The following PCNT variants were observed in gnomAD, a reference collection of about 807,000 sequenced individuals.
The protein encoded by PCNT is kendrin.
Under a neutral mutation model 380.4 loss-of-function variants are expected in PCNT, and 319 were observed. The ratio of observed to expected loss-of-function variants is 0.84; its 90% CI spans 0.77 to 0.92. The LOEUF (loss-of-function observed/expected upper bound fraction) is 0.92, where lower values mean the gene tolerates loss of function less well. PCNT is among the 40% of genes least tolerant of loss of function. The pLI is 0.00. For missense variants in PCNT, 4,400 were observed against 4,255.3 expected (o/e 1.03, Z -0.95); for synonymous variants, 1,845 against 1,735.2 (o/e 1.06, Z -1.57).
chr21:46,349,224 A>C, intron 7 of PCNT, 38 bp downstream of exon 7: 1 of 1,526,640 alleles, frequency 6.6e-7, no homozygotes, highest in Non-Finnish European at 9.1e-7. Flanking sequence ...AGTGGGACTG[A>C]ATTTTCCTAG....
rs1229082150 is a variant in PCNT, at chr21:46,334,418, A to G, written c.289A>G (p.Lys97Glu). 1 of 1,614,164 alleles carries G rather than the reference A, an allele frequency of 6.2e-7. No homozygotes were observed. The highest frequency in any genetic ancestry group is 8.5e-7 in the Non-Finnish European group (1 of 1,180,014). The change falls in exon 3 of 47, where the codon AAG becomes GAG. Residue 97 changes from lysine (K) to glutamate (E), a missense_variant. Lys to Glu is a moderately conservative substitution (Grantham distance 56, BLOSUM62 1). Transcript: ENST00000359568. ...TTAGCCGGAGGACTGTGATGGAGAG[A>G]AGAGAGAGGACTTGGAACAGCTGCA... ...AAQPEDCDGEKREDLEQLQQK... is the reference protein window; with the variant it reads ...AAQPEDCDGEEREDLEQLQQK...
intron 15 of PCNT, among the ~76,000 whole-genome samples, chr21:46,372,023 G>A (rs1206678746): frequency 2.1e-5 from 3 of 143,462 alleles, no homozygotes; most frequent in Admixed American, 7.0e-5. Context: ...CACACACACA[G>A]CACATACATG....
In PCNT at chr21:46,440,410, C is replaced by T. The variant is rs118132745; in HGVS notation, c.9393+208C>T. Among the ~76,000 whole-genome samples, 563 of 152,308 alleles carry T rather than the reference C, an allele frequency of 3.7e-3. 3 individuals carry two copies. The highest frequency in any genetic ancestry group is 5.9e-3 in the Non-Finnish European group (401 of 68,034). On this transcript the variant is annotated intron_variant, in intron 42 of 46. Coordinates refer to ENST00000359568, the MANE Select transcript of PCNT (RefSeq NM_006031.6). ...ATACTGAGTTTCTGTGCTTGTTAAGCGTGGAACGTGGAAGGCTTTGACAAA... is the reference window on the plus strand; with the variant it reads ...ATACTGAGTTTCTGTGCTTGTTAAGTGTGGAACGTGGAAGGCTTTGACAAA...
intron 13 of PCNT, among the ~76,000 whole-genome samples, chr21:46,360,634 TC>T (rs2084678444): frequency 6.7e-6 from 1 of 149,780 alleles, no homozygotes; most frequent in Non-Finnish European, 1.5e-5. Flanking sequence ...TTCTCCTGCC[TC>T]AGCCTCCCGA....
chr21:46,428,639 C>T (rs777656862), intron 35 of PCNT, 49 bp downstream of exon 35: 12 of 1,466,528 alleles, frequency 8.2e-6, no homozygotes, highest in South Asian at 3.6e-5. Flanking sequence ...TGCACCTGCC[C>T]GCCCGACACT....
In PCNT at chr21:46,411,224, G is replaced by T. The variant is rs1457259804; in HGVS notation, c.5151G>T (p.Leu1717=). The T allele has an allele frequency of 6.2e-7, 1 of 1,614,036 alleles. No individual in the cohort carries two copies. Among genetic ancestry groups the T allele is most frequent in the Non-Finnish European group, 8.5e-7 (1 of 1,180,016 alleles). Reference sequence around the variant, plus strand: ...CCAGAAGTTCTGAGATTGAAGAGCTGAAAGCCACTATTGAAAATCTGCAAG... The same window carrying T: ...CCAGAAGTTCTGAGATTGAAGAGCTTAAAGCCACTATTGAAAATCTGCAAG... The part of the protein sequence containing the change: ...IYTRSSEIEE[L]KATIENLQEN... Residue 1717 remains leucine (L), a synonymous_variant, in exon 28 of 47, where the codon CTG becomes CTT. Coordinates refer to ENST00000359568, the MANE Select transcript of PCNT (RefSeq NM_006031.6).
At chr21:46,398,430 A>G (rs547112682) in intron 24 of PCNT, among the ~76,000 whole-genome samples, 175 bp downstream of exon 24, 2 of 152,360 alleles carry the variant, frequency 1.3e-5, no homozygotes, top group South Asian at 2.1e-4. Flanking sequence ...TAAAAAATTA[A>G]TGGTGGATTC....
rs1206105580 is a variant in PCNT, at chr21:46,403,555, T to C, written c.5115+1072T>C. On this transcript the variant is annotated intron_variant, in intron 27 of 46. Coordinates refer to ENST00000359568, the MANE Select transcript of PCNT (RefSeq NM_006031.6). ...GTGAATGAACACAGCGTGGGAGAAT[T>C]GTGTGTGTGTGGTGCCCACGTGGCA... is the stretch of plus-strand genomic sequence containing the variant. 3.2e-4 allele frequency among the ~76,000 whole-genome samples: 25 copies of C among 78,956 alleles called. 1 individual carries two copies. Among genetic ancestry groups the C allele is most frequent in the African/African-American group, 7.3e-4 (14 of 19,300 alleles). 51.8% of individuals were successfully genotyped at this position (78,956 alleles called of 152,430 possible).
In PCNT at chr21:46,430,599, T is replaced by C; in HGVS notation, c.8006T>C (p.Leu2669Pro). 2 of 1,567,496 alleles carry C rather than the reference T, an allele frequency of 1.3e-6. No homozygotes were observed. The highest frequency in any genetic ancestry group is 1.7e-6 in the Non-Finnish European group (2 of 1,156,682). Reference protein sequence around the residue: ...QGKGRALQSQLEEEQLRHLQR... With the variant: ...QGKGRALQSQPEEEQLRHLQR... The stretch of plus-strand genomic sequence containing the variant: ...AAGGGGCGTGCCCTGCAGAGCCAGC[T>C]GGAGGAGGAGCAGCTGCGGCACCTG... The change falls in exon 37 of 47, where the codon CTG (leucine) becomes CCG (proline). Residue 2669 changes from leucine (L) to proline (P), a missense_variant. Physicochemically the swap from Leu to Pro is moderately conservative, Grantham distance 98. Transcript: ENST00000359568.
intron 24 of PCNT, among the ~76,000 whole-genome samples, chr21:46,398,900 A>G (rs1237242662): frequency 6.7e-6 from 1 of 148,298 alleles, no homozygotes; most frequent in Non-Finnish European, 1.5e-5. Context: ...GCTCACTGCA[A>G]GCTCCACCTC....
At chr21:46,406,795 A>G (rs80337048) in intron 27 of PCNT, among the ~76,000 whole-genome samples, 5,509 of 152,324 alleles carry the variant, frequency 0.036, 151 homozygotes, top group Middle Eastern at 0.082. Flanking sequence ...TTCTGGATCT[A>G]TTGAAATAGT....
rs964754922 is a variant in PCNT, at chr21:46,445,369, G to A, written c.*42G>A. On this transcript the variant is annotated 3_prime_UTR_variant, in exon 47 of 47. Coordinates refer to ENST00000359568, the MANE Select transcript of PCNT (RefSeq NM_006031.6). ...CTTTCCTGCGACAATTCTATTTGAG[G>A]AAAAGATTTGTTTTTCCCTTTTCCC... The A allele has an allele frequency of 4.0e-6, 6 of 1,491,236 alleles. No individual in the cohort carries two copies. Among genetic ancestry groups the A allele is most frequent in the African/African-American group, 2.8e-5 (2 of 72,474 alleles). 92.4% of individuals were successfully genotyped at this position (1,491,236 alleles called of 1,614,324 possible).
chr21:46,349,356 T>G (rs1027786307), intron 7 of PCNT, among the ~76,000 whole-genome samples, 170 bp downstream of exon 7: 1 of 152,270 alleles, frequency 6.6e-6, no homozygotes, highest in African/African-American at 2.4e-5. Context: ...GTCACAGGTC[T>G]CTCAGGGTCC....
intron 3 of PCNT, among the ~76,000 whole-genome samples, chr21:46,344,659 A>T (rs553888517): frequency 6.6e-6 from 1 of 152,226 alleles, no homozygotes; most frequent in South Asian, 2.1e-4. Context: ...TGGCTGATGC[A>T]GGGGAAGCCA....
At chr21:46,428,365 C>A (rs1195167990) in intron 34 of PCNT, 30 bp from the exon 35 acceptor site, 1 of 1,603,196 alleles carries the variant, frequency 6.2e-7, no homozygotes, top group South Asian at 1.1e-5. Flanking sequence ...CTGCCCAATG[C>A]TCAGGCTGCT....
At chr21:46,327,817 C>T (rs1318009366) in intron 2 of PCNT, among the ~76,000 whole-genome samples, 1 of 152,210 alleles carries the variant, frequency 6.6e-6, no homozygotes, top group African/African-American at 2.4e-5. Context: ...GAAGGTGTTG[C>T]AGACATGGTG....
chr21:46,370,155 G>A (rs923942066), intron 15 of PCNT, among the ~76,000 whole-genome samples: 4 of 151,956 alleles, frequency 2.6e-5, no homozygotes, highest in African/African-American at 9.7e-5. Context: ...TGTGCTCAAA[G>A]AGTGCAGCTT....
At chr21:46,327,620 CAA>C (rs922205857) in intron 2 of PCNT, among the ~76,000 whole-genome samples, 1 of 152,182 alleles carries the variant, frequency 6.6e-6, no homozygotes, top group Admixed American at 6.5e-5. Context: ...TACTTGAAGA[CAA>C]GTGTCAGTTG....
At chr21:46,347,890 G>A (rs112532279) in intron 6 of PCNT, among the ~76,000 whole-genome samples, 2,825 of 152,260 alleles carry the variant, frequency 0.019, 34 homozygotes, top group Non-Finnish European at 0.026. Flanking sequence ...ACCACACAGG[G>A]AGGAGGTTTT....
Sources: allele counts gnomAD v4.1 joint callset (sites outside exome capture counted in the v4.1 genomes callset), GRCh38; gene constraint gnomAD v4.1.1; transcripts MANE v1.5; gene names NCBI Gene and HGNC (gene_info 2026-07-23, HGNC 2026-07-21).